The following AGO3 variants were observed in gnomAD, a reference collection of about 807,000 sequenced individuals.
The protein encoded by AGO3 is argonaute RISC catalytic component 3.
In AGO3, 16 loss-of-function variants were observed where a neutral mutation model predicts 105.5. The observed-to-expected ratio is 0.15, with a 90% confidence interval of 0.10 to 0.23. The LOEUF is 0.23. AGO3 is among the 10% of genes least tolerant of loss of function. AGO3 has a pLI of 1.00. For synonymous variants in AGO3, 340 were observed against 367.3 expected (o/e 0.93, Z 0.85); for missense variants, 534 against 1,088.0 (o/e 0.49, Z 7.16).
chr1:36,003,707 AAAATATAT>A (rs1297744090), intron 5 of AGO3, among the ~76,000 whole-genome samples: 4 of 120,254 alleles, frequency 3.3e-5, no homozygotes, highest in African/African-American at 9.3e-5. Flanking sequence ...AAAAAAAAAA[AAAATATAT>A]ATATATATAT....
In AGO3 at chr1:36,064,612, G is replaced by T. The variant is rs987231473; in HGVS notation, c.*8867G>T. ...GTATTCCACTGAGAGGCAAGGAAAT[G>T]GGAAAGTGTCAGGTAATTATAAATG... On this transcript the variant is annotated 3_prime_UTR_variant, in exon 19 of 19. Transcript: ENST00000373191. 6.6e-6 allele frequency: 1 copy of T among 152,028 alleles called. No individual in the cohort carries two copies. The highest frequency in any genetic ancestry group is 2.4e-5 in the African/African-American group (1 of 41,384). 9.4% of individuals were successfully genotyped at this position (152,028 alleles called of 1,614,324 possible). A position where few individuals can be genotyped will look rare whatever the true frequency, so the allele number is the denominator to read the frequency against.
At chr1:36,045,278 GT>G (rs1642415857) in intron 17 of AGO3, among the ~76,000 whole-genome samples, 5 of 152,006 alleles carry the variant, frequency 3.3e-5, no homozygotes, top group Admixed American at 3.3e-4. Context: ...CTGGAGTACA[GT>G]AGTGTGATCT....
intron 14 of AGO3, among the ~76,000 whole-genome samples, chr1:36,039,279 A>C (rs749573861): frequency 3.3e-5 from 5 of 152,024 alleles, no homozygotes; most frequent in African/African-American, 4.8e-5. Flanking sequence ...ACGGATCACG[A>C]GGTCAAGATA....
Position 35,977,234 on chromosome 1 carries a change from G to C in AGO3, c.658+3723G>C, listed in dbSNP as rs1380674914. Among the ~76,000 whole-genome samples the C allele has an allele frequency of 6.2e-5, 9 of 144,900 alleles. No individual in the cohort carries two copies. In the East Asian group the frequency reaches 1.2e-3, roughly 19 times the overall value. On this transcript the variant is annotated intron_variant, in intron 5 of 18. Transcript: ENST00000373191. ...TGTAACCCATAGATATATACATCTA[G>C]TATGTACCCATAAAAATTTTTTTTT...
At position 36,061,680 on chromosome 1, in the gene AGO3, G is replaced by A. The variant is rs1643028850; in HGVS notation, c.*5935G>A. 6.6e-6 allele frequency: 1 copy of A among 152,150 alleles called. No individual in the cohort carries two copies. Among genetic ancestry groups the A allele is most frequent in the Non-Finnish European group, 1.5e-5 (1 of 68,016 alleles). 9.4% of individuals were successfully genotyped at this position (152,150 alleles called of 1,614,324 possible). A position where few individuals can be genotyped will look rare whatever the true frequency, so the allele number is the denominator to read the frequency against. On this transcript the variant is annotated 3_prime_UTR_variant, in exon 19 of 19. Transcript: ENST00000373191. Reference sequence around the variant, plus strand: ...CAGAATCTAATGTATCTATGTTAGGGTCTCAGTAAAGCAAAGACGTTTGTC... The same window carrying A: ...CAGAATCTAATGTATCTATGTTAGGATCTCAGTAAAGCAAAGACGTTTGTC...
At chr1:35,930,811 T>A (rs1557635556), upstream of AGO3, 1 of 170,254 alleles carries the variant, frequency 5.9e-6, no homozygotes, top group Non-Finnish European at 1.2e-5. Flanking sequence ...AGGCTACTCC[T>A]CAGGTAAGCC....
At chr1:35,990,369 G>A (rs563632468) in intron 5 of AGO3, among the ~76,000 whole-genome samples, 2 of 152,214 alleles carry the variant, frequency 1.3e-5, no homozygotes, top group African/African-American at 4.8e-5. Context: ...TTAGCTGGGC[G>A]TGGTGGCAGG....
At chr1:35,951,589 A>C (rs1034844558) in intron 2 of AGO3, among the ~76,000 whole-genome samples, 1 of 151,674 alleles carries the variant, frequency 6.6e-6, no homozygotes, top group Non-Finnish European at 1.5e-5. Flanking sequence ...GAGTTTAGCT[A>C]TGTTGCCCAG....
intron 6 of AGO3, chr1:36,005,660 G>A: frequency 1.1e-6 from 1 of 942,364 alleles, no homozygotes; most frequent in Non-Finnish European, 1.3e-6. Context: ...ATATCATGAA[G>A]TCACTTACAT....
intron 17 of AGO3, among the ~76,000 whole-genome samples, chr1:36,052,022 C>T (rs1361934075): frequency 2.6e-5 from 4 of 152,050 alleles, no homozygotes; most frequent in Non-Finnish European, 5.9e-5. Flanking sequence ...CCTCATAAAA[C>T]TGAAATTAAA....
intron 2 of AGO3, among the ~76,000 whole-genome samples, chr1:35,959,726 TCA>T (rs1490618874): frequency 6.6e-6 from 1 of 152,118 alleles, no homozygotes; most frequent in Non-Finnish European, 1.5e-5. Context: ...TAGAGGAAAC[TCA>T]GTTATCAGTT....
Position 36,071,037 on chromosome 1 carries a change from T to A in AGO3, c.*15292T>A, listed in dbSNP as rs140251412. The A allele has an allele frequency of 1.2e-3, 187 of 152,298 alleles. 1 individual carries two copies. Among genetic ancestry groups the A allele is most frequent in the African/African-American group, 4.5e-3 (186 of 41,562 alleles). The allele number at this position is 152,298 out of a possible 1,614,324, so 9.4% of individuals were successfully genotyped here. On this transcript the variant is annotated 3_prime_UTR_variant, in exon 19 of 19. Transcript: ENST00000373191. The stretch of plus-strand genomic sequence containing the variant: ...TAAGTTTATATAGAAAAAAATAATG[T>A]CTTTCTTTAGTGTTTGGGGGACTCA...
intron 1 of AGO3, among the ~76,000 whole-genome samples, chr1:35,944,620 C>T (rs569342531): frequency 2.9e-4 from 42 of 145,922 alleles, no homozygotes; most frequent in African/African-American, 1.1e-3. Context: ...GGTGCCTCAG[C>T]CTGCTAAGTA....
intron 13 of AGO3, among the ~76,000 whole-genome samples, chr1:36,035,632 G>GTTTATAAT (rs1641967170): frequency 6.6e-6 from 1 of 152,154 alleles, no homozygotes; most frequent in African/African-American, 2.4e-5. Flanking sequence ...TCATAAGGAA[G>GTTTATAAT]TTTATAATTT....
chr1:35,979,280 C>T lies in AGO3; in HGVS notation c.658+5769C>T, dbSNP rs185758025. Among the ~76,000 whole-genome samples the T allele has an allele frequency of 9.8e-4, 149 of 152,018 alleles. 1 individual carries two copies. The highest frequency in any genetic ancestry group is 3.5e-3 in the African/African-American group (143 of 41,446). ...TTGGGAGGCTGAGGCAGGAGAATGG[C>T]GTGAACCCAGGAGGCGGAGCTTGCA... On this transcript the variant is annotated intron_variant, in intron 5 of 18. Coordinates refer to ENST00000373191, the MANE Select transcript of AGO3 (RefSeq NM_024852.4).
Position 35,931,411 on chromosome 1 carries a change from C to G in AGO3, c.-16C>G. 7.4e-6 allele frequency: 11 copies of G among 1,486,608 alleles called. No homozygotes were observed. The highest frequency in any genetic ancestry group is 9.9e-6 in the Non-Finnish European group (11 of 1,115,836). The allele number at this position is 1,486,608 out of a possible 1,614,324, so 92.1% of individuals were successfully genotyped here. On this transcript the variant is annotated 5_prime_UTR_variant, in exon 1 of 19. Coordinates refer to ENST00000373191, the MANE Select transcript of AGO3 (RefSeq NM_024852.4). ...GGGCTCCGTTCTCCCTCGAAGCACT[C>G]CCCCCAGCTCCATGAATGGAAATCG...
At chr1:36,002,391 G>A (rs143787040) in intron 5 of AGO3, among the ~76,000 whole-genome samples, 14 of 147,124 alleles carry the variant, frequency 9.5e-5, no homozygotes, top group South Asian at 4.3e-4. Context: ...GTGCAGTGGC[G>A]TGATCTCGGC....
rs143644991 is a variant in AGO3, at chr1:36,027,268, G to A, written c.1561G>A (p.Val521Ile). The A allele has an allele frequency of 8.7e-6, 14 of 1,613,376 alleles. No homozygotes were observed. Among genetic ancestry groups the A allele is most frequent in the South Asian group, 1.1e-5 (1 of 91,000 alleles). The change falls in exon 12 of 19, where the codon GTC becomes ATC. Residue 521 changes from valine to isoleucine, a missense_variant. By Grantham distance (29) the Val-to-Ile change is conservative (BLOSUM62 3). This residue lies in a region of AGO3 where 373 missense variants were observed against 854.0 expected (regional missense o/e 0.44). Transcript: ENST00000373191. The surrounding 1 kb of genome is among the most constrained non-coding windows in gnomAD (Gnocchi z 4.0). ...NTYSGLQLII[V>I]ILPGKTPVYA... ...ATATTCTGGCCTACAGCTTATTATC[G>A]TCATCCTGCCGGGGAAGACACCAGT...
intron 11 of AGO3, among the ~76,000 whole-genome samples, chr1:36,024,466 T>C (rs1166784265): frequency 6.6e-6 from 1 of 152,116 alleles, no homozygotes; most frequent in Non-Finnish European, 1.5e-5. Context: ...TCTCTTGCCT[T>C]CTGGTTCTTT....
Sources: gnomAD v4.1 joint callset for allele counts (sites outside exome capture counted in the v4.1 genomes callset) on GRCh38, gnomAD v4.1.1 for gene constraint, gnomAD v4.1.1 regional missense constraint, Gnocchi (gnomAD v3.1) non-coding constraint, MANE v1.5 for transcripts, NCBI Gene and HGNC (gene_info 2026-07-23, HGNC 2026-07-21) for gene names.